The following ROBO2 variants were observed in gnomAD, a reference collection of about 807,000 sequenced individuals.
The protein encoded by ROBO2 is roundabout guidance receptor 2.
A neutral mutation model predicts 160.8 loss-of-function variants in ROBO2; 53 were observed. The ratio of observed to expected loss-of-function variants is 0.33; its 90% CI spans 0.26 to 0.41. ROBO2 has a LOEUF of 0.41. Ranked by LOEUF, ROBO2 falls within the 10% of genes least tolerant of loss-of-function variation. The pLI, the probability that ROBO2 is intolerant of heterozygous loss-of-function variation, is 1.00. For synonymous variants in ROBO2, 664 were observed against 611.7 expected, an observed-to-expected ratio of 1.09 and a Z score of -1.26; for missense variants, 1,577 against 1,722.4, an observed-to-expected ratio of 0.92 and a Z score of 1.49.
At chr3:77,533,883 G>A (rs115270857) in intron 6 of ROBO2, among the ~76,000 whole-genome samples, 25 of 147,680 alleles carry the variant, frequency 1.7e-4, no homozygotes, top group African/African-American at 6.1e-4. Flanking sequence ...AACTACAGTA[G>A]GCTTTTTTTT....
chr3:76,124,136 G>C (rs112407033), intron 2 of ROBO2, among the ~76,000 whole-genome samples: 1 of 151,944 alleles, frequency 6.6e-6, no homozygotes, highest in South Asian at 2.1e-4. Context: ...AAATATAAAA[G>C]TTACTATTCT....
chr3:77,277,177 T>TTTCTTTCTTTC (rs1553882937), intron 2 of ROBO2, among the ~76,000 whole-genome samples: 119 of 102,510 alleles, frequency 1.2e-3, no homozygotes, highest in African/African-American at 4.9e-3. Flanking sequence ...TCTTTCTTTC[T>TTTCTTTCTTTC]TTCTTTCTTT....
At chr3:77,529,029 A>G (rs1348464317) in intron 6 of ROBO2, among the ~76,000 whole-genome samples, 1 of 151,378 alleles carries the variant, frequency 6.6e-6, no homozygotes, top group Non-Finnish European at 1.5e-5. Context: ...GGTAGAATAC[A>G]TGACCACTCT....
At chr3:76,927,690 G>A (rs1329945018) in intron 2 of ROBO2, among the ~76,000 whole-genome samples, 1 of 152,122 alleles carries the variant, frequency 6.6e-6, no homozygotes, top group Non-Finnish European at 1.5e-5. Flanking sequence ...ATAGGAAAAT[G>A]TAGAAGCAAA....
chr3:76,903,938 G>GAA (rs1192757479), intron 2 of ROBO2, among the ~76,000 whole-genome samples: 2 of 151,470 alleles, frequency 1.3e-5, no homozygotes, highest in African/African-American at 4.9e-5. Flanking sequence ...GGGAAGAAAA[G>GAA]AAAAAGAAAA....
At chr3:76,103,101 G>A (rs1272266836) in intron 2 of ROBO2, among the ~76,000 whole-genome samples, 1 of 152,158 alleles carries the variant, frequency 6.6e-6, no homozygotes, top group African/African-American at 2.4e-5. Context: ...GGGATTACAG[G>A]CGTGAGCCAC....
intron 2 of ROBO2, among the ~76,000 whole-genome samples, chr3:77,301,947 G>C (rs2062695745): frequency 6.6e-6 from 1 of 151,550 alleles, no homozygotes; most frequent in Admixed American, 6.6e-5. Flanking sequence ...CTGTCACCCA[G>C]AGTGGAGTGC....
chr3:77,405,535 G>A (rs951725372), intron 2 of ROBO2, among the ~76,000 whole-genome samples: 1 of 151,958 alleles, frequency 6.6e-6, no homozygotes, highest in East Asian at 1.9e-4. Flanking sequence ...TAACATTGCA[G>A]GTAGAACTCT....
chr3:76,277,678 T>C (rs1477133326), intron 2 of ROBO2, among the ~76,000 whole-genome samples: 4 of 151,938 alleles, frequency 2.6e-5, no homozygotes, highest in African/African-American at 4.8e-5. Context: ...CATTAAAAAT[T>C]AGCAGTGTTC....
At chr3:77,105,024 T>C (rs920093466) in intron 2 of ROBO2, among the ~76,000 whole-genome samples, 1 of 152,222 alleles carries the variant, frequency 6.6e-6, no homozygotes, top group Non-Finnish European at 1.5e-5. Flanking sequence ...ATTTGTCTTC[T>C]CAGAAGCTGA....
intron 2 of ROBO2, among the ~76,000 whole-genome samples, chr3:76,642,461 T>C (rs1165654601): frequency 6.9e-6 from 1 of 145,268 alleles, no homozygotes; most frequent in Non-Finnish European, 1.5e-5. Flanking sequence ...CAAGCCATTC[T>C]CCTGCCTCAG....
intron 2 of ROBO2, among the ~76,000 whole-genome samples, chr3:76,856,232 T>C (rs1328509326): frequency 6.6e-6 from 1 of 152,212 alleles, no homozygotes; most frequent in Non-Finnish European, 1.5e-5. Context: ...GCAGCAAAAA[T>C]AATTTTGCAT....
chr3:76,338,723 A>G (rs954571491), intron 2 of ROBO2, among the ~76,000 whole-genome samples: 1 of 149,790 alleles, frequency 6.7e-6, no homozygotes, highest in Non-Finnish European at 1.5e-5. Flanking sequence ...TTATAAATTA[A>G]TATTATATAG....
intron 2 of ROBO2, among the ~76,000 whole-genome samples, chr3:76,954,106 A>G (rs2079108684): frequency 6.6e-6 from 1 of 152,192 alleles, no homozygotes; most frequent in South Asian, 2.1e-4. Context: ...ACCAGAGTAA[A>G]TATTTAGGCA....
chr3:77,617,173 C>A (rs1036492766), intron 21 of ROBO2, among the ~76,000 whole-genome samples: 44 of 152,194 alleles, frequency 2.9e-4, no homozygotes, highest in African/African-American at 1.0e-3. Flanking sequence ...GTTAAATCTA[C>A]AAGCACTAAA....
chr3:77,221,854 C>CCT (rs2085850593), intron 2 of ROBO2, among the ~76,000 whole-genome samples: 1 of 140,286 alleles, frequency 7.1e-6, no homozygotes, highest in African/African-American at 2.7e-5. Context: ...TTTTCTTTTT[C>CCT]TTTTTTTTTT....
chr3:77,507,768 G>A (rs1468801548), intron 5 of ROBO2, among the ~76,000 whole-genome samples: 1 of 152,040 alleles, frequency 6.6e-6, no homozygotes, highest in African/African-American at 2.4e-5. Context: ...GTTCCAGTAG[G>A]AACAAATGTT....
chr3:77,075,395 G>A (rs771321162), intron 1 of ROBO2, among the ~76,000 whole-genome samples: 53 of 152,134 alleles, frequency 3.5e-4, no homozygotes, highest in African/African-American at 1.2e-3. Context: ...CTCTGTCACC[G>A]AGGCTAGACA....
chr3:76,804,124 C>T (rs1185604102), intron 2 of ROBO2, among the ~76,000 whole-genome samples: 14 of 152,088 alleles, frequency 9.2e-5, no homozygotes, highest in Admixed American at 2.6e-4. Context: ...TGGTCACATT[C>T]TCTTAGGGAG....
Sources: gnomAD v4.1 joint callset for allele counts (sites outside exome capture counted in the v4.1 genomes callset) on GRCh38, gnomAD v4.1.1 for gene constraint, MANE v1.5 for transcripts, NCBI Gene and HGNC (gene_info 2026-07-23, HGNC 2026-07-21) for gene names.